Variants in ZNF331 observed in about 807,000 individuals in gnomAD.
The protein encoded by ZNF331 is C2H2-like zinc finger protein rearranged in thyroid adenomas.
In ZNF331, 2 loss-of-function variants were observed where a neutral mutation model predicts 7.0. The observed-to-expected ratio is 0.29, with a 90% CI of 0.12 to 0.90. The LOEUF is 0.90. Ranked by LOEUF, ZNF331 falls within the 40% of genes least tolerant of loss-of-function variation. The pLI is 0.58. For missense variants in ZNF331, 432 were observed against 587.7 expected (o/e 0.74, Z 2.74); for synonymous variants, 196 against 205.4 (o/e 0.95, Z 0.39).
intron 4 of ZNF331, among the ~76,000 whole-genome samples, chr19:53,570,688 A>G (rs1197503333): frequency 6.6e-6 from 1 of 151,534 alleles, no homozygotes; most frequent in Non-Finnish European, 1.5e-5. Flanking sequence ...ATGCGCCGCC[A>G]CACCCAGCTA....
At chr19:53,545,587 G>A (rs10412084) in intron 2 of ZNF331, among the ~76,000 whole-genome samples, 22,685 of 152,120 alleles carry the variant, frequency 0.15, 3,175 homozygotes, top group African/African-American at 0.37. Context: ...TGGACACTCA[G>A]TAGGCCACAC....
At chr19:53,556,223 A>G (rs906920419) in intron 3 of ZNF331, among the ~76,000 whole-genome samples, 1 of 145,720 alleles carries the variant, frequency 6.9e-6, no homozygotes, top group Non-Finnish European at 1.5e-5. Flanking sequence ...AGCCTGGGCA[A>G]CACAGCGAGA....
At chr19:53,524,166 A>T (rs2087201992) in intron 2 of ZNF331, among the ~76,000 whole-genome samples, 1 of 152,146 alleles carries the variant, frequency 6.6e-6, no homozygotes, top group Non-Finnish European at 1.5e-5. Flanking sequence ...TCTGTCATTG[A>T]TGGACATTTG....
chr19:53,534,780 A>G (rs568089006), upstream of ZNF331, among the ~76,000 whole-genome samples: 1 of 152,242 alleles, frequency 6.6e-6, no homozygotes. Flanking sequence ...CTGGTTAGCA[A>G]TTTAAGTCCA....
intron 2 of ZNF331, among the ~76,000 whole-genome samples, chr19:53,527,478 A>G (rs1056037205): frequency 3.3e-5 from 5 of 152,224 alleles, no homozygotes; most frequent in African/African-American, 4.8e-5. Context: ...AGTGGGCCCA[A>G]TGTAATCACA....
intron 5 of ZNF331, among the ~76,000 whole-genome samples, chr19:53,574,937 C>CTTTTT (rs11354144): frequency 2.2e-4 from 26 of 119,486 alleles, no homozygotes; most frequent in Non-Finnish European, 3.4e-4. Flanking sequence ...TTTTTCTTTT[C>CTTTTT]TTTTTTTTTT....
chr19:53,510,044 G>A, the ZNF331 span, among the ~76,000 whole-genome samples: 4 of 152,280 alleles, frequency 2.6e-5, no homozygotes, highest in East Asian at 7.7e-4. Flanking sequence ...CTGCCACCAG[G>A]CCTGCCCCTG....
At chr19:53,529,310 G>A (rs1372250481) in intron 2 of ZNF331, among the ~76,000 whole-genome samples, 1 of 151,652 alleles carries the variant, frequency 6.6e-6, no homozygotes, top group African/African-American at 2.4e-5. Context: ...TGAGGCAGGA[G>A]AATGGCGTGA....
At chr19:53,507,915 G>A in the ZNF331 span, among the ~76,000 whole-genome samples, 169 of 152,250 alleles carry the variant, frequency 1.1e-3, 2 homozygotes, top group Admixed American at 2.7e-3. Flanking sequence ...TGGGAGAATC[G>A]CTTGAACATG....
At chr19:53,520,533 A>G (rs932404665), upstream of ZNF331, among the ~76,000 whole-genome samples, 1 of 152,212 alleles carries the variant, frequency 6.6e-6, no homozygotes, top group Non-Finnish European at 1.5e-5. Context: ...GGCTTCCAGC[A>G]TTTGAAGATT....
exon 1 of ZNF331, chr19:53,521,058 C>CG (rs2087055131): frequency 6.6e-6 from 1 of 152,242 alleles, no homozygotes; most frequent in African/African-American, 2.4e-5. Context: ...GCCGGGTGGC[C>CG]GGCTGAGGGG....
Position 53,579,915 on chromosome 19 carries a change from A to G in ZNF331, c.*1963A>G, listed in dbSNP as rs1322313040. On this transcript the variant is annotated 3_prime_UTR_variant, in exon 6 of 6. Transcript: ENST00000449416. ...ATCCCTCAAGTTGAAAAAAAAATCAATTTAAAGGGGAGAAAACTTCAGCAC... is the reference window on the plus strand; with the variant it reads ...ATCCCTCAAGTTGAAAAAAAAATCAGTTTAAAGGGGAGAAAACTTCAGCAC... The G allele has an allele frequency of 4.9e-6, 1 of 204,532 alleles. No homozygotes were observed. The highest frequency in any genetic ancestry group is 7.5e-5 in the East Asian group (1 of 13,282). The allele number at this position is 204,532 out of a possible 1,614,324, so 12.7% of individuals were successfully genotyped here.
the ZNF331 span, among the ~76,000 whole-genome samples, chr19:53,509,240 C>T: frequency 5.9e-5 from 9 of 152,132 alleles, no homozygotes; most frequent in Admixed American, 2.0e-4. Context: ...CTGTGAGCTG[C>T]GTCTCCTCCT....
At chr19:53,537,139 ATACT>A (rs2087788393), upstream of ZNF331, 1 of 152,394 alleles carries the variant, frequency 6.6e-6, no homozygotes, top group Non-Finnish European at 1.5e-5. Context: ...TTTTGTGAAC[ATACT>A]TCAACATTGT....
chr19:53,543,565 C>T (rs1419907030), intron 2 of ZNF331, among the ~76,000 whole-genome samples: 3 of 151,926 alleles, frequency 2.0e-5, no homozygotes, highest in African/African-American at 4.8e-5. Flanking sequence ...CCACGCCCAG[C>T]CTTATTATGA....
intron 2 of ZNF331, among the ~76,000 whole-genome samples, chr19:53,544,967 G>T (rs2088493861): frequency 6.6e-6 from 1 of 152,010 alleles, no homozygotes; most frequent in Non-Finnish European, 1.5e-5. Context: ...TTTGTGATCT[G>T]CCTGCCTTGG....
rs1377557068 is a variant in ZNF331, at chr19:53,568,187, G to A, written c.-73-1117G>A. Among the ~76,000 whole-genome samples, 3 of 151,772 alleles carry A rather than the reference G, an allele frequency of 2.0e-5. No homozygotes were observed. In the East Asian group the frequency reaches 5.8e-4, roughly 29 times the overall value. ...TTGAACCCGGGAGGCAGAGGTTGTG[G>A]TAGGCCGAGATCGTGCCACTGCACT... is the stretch of plus-strand genomic sequence containing the variant. On this transcript the variant is annotated intron_variant, in intron 3 of 5. Coordinates refer to ENST00000449416, the MANE Select transcript of ZNF331 (RefSeq NM_001079906.2).
the ZNF331 span, chr19:53,503,925 C>G: frequency 1.5e-5 from 10 of 652,060 alleles, no homozygotes; most frequent in Non-Finnish European, 2.0e-5. Context: ...GAGTCGCTGA[C>G]GCGGCACTGC....
At chr19:53,532,550 A>G (rs1201702600) in intron 2 of ZNF331, among the ~76,000 whole-genome samples, 2 of 152,150 alleles carry the variant, frequency 1.3e-5, no homozygotes, top group East Asian at 3.9e-4. Context: ...TACTGCAGCA[A>G]CTTGGGAGCA....
Sources: allele counts gnomAD v4.1 joint callset (sites outside exome capture counted in the v4.1 genomes callset), GRCh38; gene constraint gnomAD v4.1.1; transcripts MANE v1.5; gene names NCBI Gene and HGNC (gene_info 2026-07-23, HGNC 2026-07-21).